Variants in PSMD1 observed in about 807,000 individuals in gnomAD.
The protein encoded by PSMD1 is 26S proteasome non-ATPase regulatory subunit 1.
A neutral mutation model predicts 119.0 loss-of-function variants in PSMD1; 18 were observed. The observed-to-expected ratio is 0.15, with a 90% CI of 0.10 to 0.22. The LOEUF is 0.22. PSMD1 is among the 10% of genes least tolerant of loss of function. The probability of loss-of-function intolerance (pLI) is 1.00; values close to 1 mark genes in which losing one functional copy is unlikely to be tolerated. For missense variants in PSMD1, 702 were observed against 1,158.5 expected, an observed-to-expected ratio of 0.61 and a Z score of 5.72; for synonymous variants, 374 against 396.6, an observed-to-expected ratio of 0.94 and a Z score of 0.68.
At chr2:231,090,938 G>C (rs931679917) in intron 16 of PSMD1, among the ~76,000 whole-genome samples, 2 of 152,222 alleles carry the variant, frequency 1.3e-5, no homozygotes, top group Admixed American at 6.5e-5. Flanking sequence ...TACTCCTGAA[G>C]ATGCTGTCGA....
intron 16 of PSMD1, among the ~76,000 whole-genome samples, chr2:231,107,282 G>A (rs930122136): frequency 5.3e-5 from 8 of 152,152 alleles, no homozygotes; most frequent in South Asian, 2.1e-4. Context: ...GAGATTCTCC[G>A]TAGCCAATAC....
chr2:231,104,365 A>G (rs550118857), intron 16 of PSMD1, among the ~76,000 whole-genome samples: 1 of 152,268 alleles, frequency 6.6e-6, no homozygotes, highest in South Asian at 2.1e-4. Flanking sequence ...TCCACTACAT[A>G]GTATAGTCAA....
In PSMD1 at chr2:231,170,759, G is replaced by A. The variant is rs1696894143; in HGVS notation, c.*9+38G>A. The A allele has an allele frequency of 6.6e-7, 1 of 1,517,128 alleles. No individual in the cohort carries two copies. The highest frequency in any genetic ancestry group is 8.8e-7 in the Non-Finnish European group (1 of 1,130,032). The allele number at this position is 1,517,128 out of a possible 1,614,324, so 94.0% of individuals were successfully genotyped here. A position where few individuals can be genotyped will look rare whatever the true frequency, so the allele number is the denominator to read the frequency against. ...CAAAATTATGAAGGGAAACTTCTTT[G>A]TCAATACTTCACAAATGTTTTTTGC... On this transcript the variant is annotated intron_variant, in intron 24 of 24. Transcript: ENST00000308696. The surrounding 1 kb of genome is among the most constrained non-coding windows in gnomAD (Gnocchi z 4.1).
At chr2:231,156,991 TACATTATGTA>T (rs1453090187) in intron 19 of PSMD1, among the ~76,000 whole-genome samples, 1 of 152,242 alleles carries the variant, frequency 6.6e-6, no homozygotes, top group African/African-American at 2.4e-5. Flanking sequence ...GTTTGAATAA[TACATTATGTA>T]GCCTTTTCAG....
At chr2:231,083,070 A>G in intron 13 of PSMD1, 76 bp downstream of exon 13, 1 of 1,101,968 alleles carries the variant, frequency 9.1e-7, no homozygotes, top group Non-Finnish European at 1.3e-6. Flanking sequence ...TTCTACCTAT[A>G]TTTTGTAGCC....
At position 231,077,142 on chromosome 2, in the gene PSMD1, A is replaced by C; in HGVS notation, c.1051A>C (p.Met351Leu). The C allele has an allele frequency of 6.5e-7, 1 of 1,539,436 alleles. No individual in the cohort carries two copies. Among genetic ancestry groups the C allele is most frequent in the Non-Finnish European group, 8.8e-7 (1 of 1,139,574 alleles). Residue 351 changes from methionine (M) to leucine (L), a missense_variant, in exon 9 of 25, where the codon ATG (methionine) becomes CTG (leucine). Coordinates refer to ENST00000308696, the MANE Select transcript of PSMD1 (RefSeq NM_002807.4). Reference sequence around the variant, plus strand: ...AATACGAAACAATAATACAGACCTCATGATTCTAAAAAACACAAAGGTAAG... The same window carrying C: ...AATACGAAACAATAATACAGACCTCCTGATTCTAAAAAACACAAAGGTAAG... The part of the protein sequence containing the change: ...FLIRNNNTDL[M>L]ILKNTKDAVR...
At chr2:231,163,598 A>G (rs1405235469) in intron 20 of PSMD1, 37 bp from the exon 21 acceptor site, 1 of 1,496,322 alleles carries the variant, frequency 6.7e-7, no homozygotes. Flanking sequence ...AGCACAGAGT[A>G]CTTAAAGCCA....
At chr2:231,070,579 G>A (rs1476883365) in intron 6 of PSMD1, among the ~76,000 whole-genome samples, 1 of 151,870 alleles carries the variant, frequency 6.6e-6, no homozygotes, top group South Asian at 2.1e-4. Context: ...AAACATTTGG[G>A]TATCTTTTCT....
chr2:231,164,597 G>A (rs1483522275), intron 21 of PSMD1, among the ~76,000 whole-genome samples: 1 of 151,908 alleles, frequency 6.6e-6, no homozygotes, highest in African/African-American at 2.4e-5. Flanking sequence ...ACAGCATCTT[G>A]TTTCATCAGC....
chr2:231,123,676 T>G lies in PSMD1; in HGVS notation c.1884-15060T>G, dbSNP rs1307017529. On this transcript the variant is annotated intron_variant, in intron 16 of 24. Transcript: ENST00000308696. ...TGATTCTGTCTGTAATCCAGACCAG[T>G]TAGAAGAGATAACGTGAACAAAGGT... The G allele has an allele frequency of 1.9e-6, 3 of 1,613,848 alleles. No individual in the cohort carries two copies. The African/African-American group carries it at 4.0e-5, about 22-fold the overall frequency.
At chr2:231,104,082 A>C (rs1694927386) in intron 16 of PSMD1, among the ~76,000 whole-genome samples, 1 of 129,044 alleles carries the variant, frequency 7.7e-6, no homozygotes, top group Non-Finnish European at 1.5e-5. Flanking sequence ...TTGACTCTTA[A>C]GTTGTTTTGT....
rs540064303 is a variant in PSMD1, at chr2:231,068,372, C to G, written c.510+1261C>G. On this transcript the variant is annotated intron_variant, in intron 5 of 24. Transcript: ENST00000308696. ...TGCAGTTTTAGCCCATCCTTGTCTT[C>G]GTGTGTGTAAGATTACATTTTTGGC... Among the ~76,000 whole-genome samples the G allele has an allele frequency of 4.3e-4, 66 of 152,196 alleles. 1 individual carries two copies. The highest frequency in any genetic ancestry group is 1.5e-3 in the African/African-American group (64 of 41,538).
rs747975178 is a variant in PSMD1, at chr2:231,170,726, G to A, written c.*9+5G>A. 2.3e-5 allele frequency: 36 copies of A among 1,571,186 alleles called. No individual in the cohort carries two copies. Among genetic ancestry groups the A allele is most frequent in the Middle Eastern group, 1.7e-4 (1 of 5,802 alleles). On this transcript the variant is annotated splice_donor_5th_base_variant and intron_variant, in intron 24 of 24. Transcript: ENST00000308696. The surrounding 1 kb of genome is among the most constrained non-coding windows in gnomAD (Gnocchi z 4.1). ...ATTGATGATTAAGGGCCAGAGGTGCGTGTGCAACAAAATTATGAAGGGAAA... is the reference window on the plus strand; with the variant it reads ...ATTGATGATTAAGGGCCAGAGGTGCATGTGCAACAAAATTATGAAGGGAAA...
intron 16 of PSMD1, among the ~76,000 whole-genome samples, chr2:231,093,820 C>T (rs1694658790): frequency 6.6e-6 from 1 of 151,590 alleles, no homozygotes; most frequent in African/African-American, 2.4e-5. Context: ...GTTCTACTGT[C>T]CTTGGGGGTT....
At chr2:231,080,885 G>A (rs1694293236) in intron 12 of PSMD1, among the ~76,000 whole-genome samples, 1 of 152,158 alleles carries the variant, frequency 6.6e-6, no homozygotes, top group Admixed American at 6.5e-5. Flanking sequence ...GCTCACGCCT[G>A]TAATTCCAGC....
chr2:231,130,502 A>T (rs529863092), intron 16 of PSMD1, among the ~76,000 whole-genome samples: 1 of 152,096 alleles, frequency 6.6e-6, no homozygotes, highest in South Asian at 2.1e-4. Flanking sequence ...ACAAGGCATC[A>T]CTCTGTTGCC....
At chr2:231,075,614 CT>C in intron 8 of PSMD1, 43 bp downstream of exon 8, 2 of 1,572,270 alleles carry the variant, frequency 1.3e-6, no homozygotes, top group Non-Finnish European at 1.7e-6. Flanking sequence ...GGGTCCTGAT[CT>C]GTCACCCAGG....
At chr2:231,063,088 A>G (rs529628030) in intron 4 of PSMD1, among the ~76,000 whole-genome samples, 25 of 152,316 alleles carry the variant, frequency 1.6e-4, no homozygotes, top group African/African-American at 5.3e-4. Flanking sequence ...AGATGAGACA[A>G]CTTGGATTTT....
chr2:231,119,850 A>G (rs1193076002), intron 16 of PSMD1, among the ~76,000 whole-genome samples: 2 of 141,512 alleles, frequency 1.4e-5, no homozygotes, highest in Non-Finnish European at 3.0e-5. Flanking sequence ...AGTCTGGGCA[A>G]CAGAACGAGA....
Sources: gnomAD v4.1 joint callset for allele counts (sites outside exome capture counted in the v4.1 genomes callset) on GRCh38, gnomAD v4.1.1 for gene constraint, Gnocchi (gnomAD v3.1) non-coding constraint, MANE v1.5 for transcripts, NCBI Gene and HGNC (gene_info 2026-07-23, HGNC 2026-07-21) for gene names.